PCDHGB3: variants seen among roughly 807,000 people sequenced by gnomAD.
The protein encoded by PCDHGB3 is protocadherin gamma-B3.
Under a neutral mutation model 59.2 loss-of-function variants are expected in PCDHGB3, and 40 were observed. The ratio of observed to expected loss-of-function variants is 0.68; its 90% confidence interval spans 0.52 to 0.88. The LOEUF is 0.88. Ranked by LOEUF, PCDHGB3 falls within the 40% of genes least tolerant of loss-of-function variation. The pLI is 0.00. For synonymous variants in PCDHGB3, 581 were observed against 503.6 expected (o/e 1.15, Z -2.06); for missense variants, 1,309 against 1,187.9 (o/e 1.10, Z -1.50).
At position 141,489,436 on chromosome 5, in the gene PCDHGB3, T is replaced by C. The variant is rs1002519; in HGVS notation, c.2416-5371T>C. 0.23 allele frequency: 369,130 copies of C among 1,613,832 alleles called. 44,340 individuals are homozygous for C. The highest frequency in any genetic ancestry group is 0.38 in the Admixed American group (23,024 of 60,000). On this transcript the variant is annotated intron_variant, in intron 1 of 3. Transcript: ENST00000576222. The surrounding 1 kb of genome is among the most constrained non-coding windows in gnomAD (Gnocchi z 4.5). ...AGATCTGTTGAGCCGGCGGCTGCAATTGGGCTCTGAGGAGAATGGGCGCTA... is the reference window on the plus strand; with the variant it reads ...AGATCTGTTGAGCCGGCGGCTGCAACTGGGCTCTGAGGAGAATGGGCGCTA...
At chr5:141,394,688 G>A (rs770742323) in intron 1 of PCDHGB3, 3 of 1,611,882 alleles carry the variant, frequency 1.9e-6, no homozygotes, top group Middle Eastern at 1.7e-4. Flanking sequence ...ACACGGGCGA[G>A]GTGCGCACGG....
intron 1 of PCDHGB3, among the ~76,000 whole-genome samples, chr5:141,467,404 C>T (rs1032912609): frequency 1.3e-5 from 2 of 151,864 alleles, no homozygotes; most frequent in African/African-American, 4.8e-5. Context: ...AGTTAGAAAG[C>T]CTTTCCCCAC....
intron 1 of PCDHGB3, among the ~76,000 whole-genome samples, chr5:141,382,046 C>G (rs1241597403): frequency 6.6e-6 from 1 of 151,928 alleles, no homozygotes. Flanking sequence ...TCAGGCTGGT[C>G]TCAAGCTCCC....
At chr5:141,479,573 C>A (rs1468041584) in intron 1 of PCDHGB3, 1 of 152,230 alleles carries the variant, frequency 6.6e-6, no homozygotes, top group Admixed American at 6.5e-5. Flanking sequence ...GGGATGACAT[C>A]TGTGAATAGC....
At chr5:141,460,961 A>ATG (rs35821115) in intron 1 of PCDHGB3, among the ~76,000 whole-genome samples, 128 of 144,610 alleles carry the variant, frequency 8.9e-4, no homozygotes, top group Middle Eastern at 7.1e-3. Context: ...GTATATATAT[A>ATG]TGTGTGTGTG....
At chr5:141,392,633 A>T (rs2092567816) in intron 1 of PCDHGB3, 1 of 610,728 alleles carries the variant, frequency 1.6e-6, no homozygotes, top group African/African-American at 1.9e-5. Flanking sequence ...CTCAGATCTC[A>T]CACCTCACGA....
intron 1 of PCDHGB3, chr5:141,387,892 G>C (rs2091136247): frequency 6.5e-7 from 1 of 1,550,258 alleles, no homozygotes; most frequent in African/African-American, 1.4e-5. Context: ...GGGATGGGGA[G>C]CGGCGCCGGG....
chr5:141,435,804 A>AT (rs2097781092), intron 1 of PCDHGB3, among the ~76,000 whole-genome samples: 1 of 151,814 alleles, frequency 6.6e-6, no homozygotes, highest in Non-Finnish European at 1.5e-5. Flanking sequence ...CGTCCCAATT[A>AT]TTTTTTCTTT....
intron 1 of PCDHGB3, chr5:141,388,068 C>T (rs562398369): frequency 8.0e-6 from 11 of 1,373,194 alleles, no homozygotes; most frequent in Non-Finnish European, 1.1e-5. Flanking sequence ...CCAGGAGTTA[C>T]CGACTCGAAA....
intron 1 of PCDHGB3, chr5:141,393,481 C>A (rs368525192): frequency 6.2e-7 from 1 of 1,614,066 alleles, no homozygotes; most frequent in Non-Finnish European, 8.5e-7. Flanking sequence ...CCGCCTCGCT[C>A]TAGCACAGTG....
At chr5:141,505,305 C>T (rs1363643214) in intron 2 of PCDHGB3, 88 bp from the exon 3 acceptor site, 2 of 1,595,104 alleles carry the variant, frequency 1.3e-6, no homozygotes, top group Admixed American at 1.7e-5. Flanking sequence ...GGTTAGGGTA[C>T]TAGGTTTGGG....
chr5:141,388,652 C>A (rs1388425962), intron 1 of PCDHGB3: 1 of 1,613,844 alleles, frequency 6.2e-7, no homozygotes, highest in Non-Finnish European at 8.5e-7. Flanking sequence ...AAAACGTGTA[C>A]CCGGGGACCA....
At chr5:141,405,188 G>T (rs2094622261) in intron 1 of PCDHGB3, 1 of 1,613,954 alleles carries the variant, frequency 6.2e-7, no homozygotes, top group African/African-American at 1.3e-5. Context: ...TGTAGATGGG[G>T]TTCGAGCTTT....
intron 2 of PCDHGB3, among the ~76,000 whole-genome samples, chr5:141,496,903 A>G (rs990378360): frequency 1.1e-4 from 16 of 150,744 alleles, no homozygotes; most frequent in Non-Finnish European, 2.4e-4. Flanking sequence ...AAAAAAAAAA[A>G]GGCTGGGCAC....
In PCDHGB3 at chr5:141,415,247, C is replaced by T. The variant is rs181239359; in HGVS notation, c.2415+42438C>T. The stretch of plus-strand genomic sequence containing the variant: ...GAGTCTCCAGCTAACTCTGAAACCT[C>T]AGACCTCACTCTGTACCTGGTGGTA... On this transcript the variant is annotated intron_variant, in intron 1 of 3. Transcript: ENST00000576222. 958 of 1,614,210 alleles carry T rather than the reference C, an allele frequency of 5.9e-4. 13 individuals are homozygous for T. The East Asian group carries it at 0.015, about 25-fold the overall frequency.
At chr5:141,473,548 C>A (rs1158305951) in intron 1 of PCDHGB3, among the ~76,000 whole-genome samples, 3 of 152,118 alleles carry the variant, frequency 2.0e-5, no homozygotes, top group South Asian at 2.1e-4. Context: ...TAATGGAAGA[C>A]CTCTATTAGG....
intron 1 of PCDHGB3, chr5:141,427,818 G>T: frequency 6.5e-7 from 1 of 1,530,644 alleles, no homozygotes; most frequent in Non-Finnish European, 9.0e-7. Flanking sequence ...GAGCGGGGTG[G>T]TGGTCGCGCA....
At chr5:141,434,331 T>C (rs1271938024) in intron 1 of PCDHGB3, among the ~76,000 whole-genome samples, 3 of 152,186 alleles carry the variant, frequency 2.0e-5, no homozygotes, top group Non-Finnish European at 4.4e-5. Context: ...GCTTGTCTCT[T>C]TGTGTCGGGA....
At chr5:141,462,648 C>T (rs2099044153) in intron 1 of PCDHGB3, among the ~76,000 whole-genome samples, 1 of 137,364 alleles carries the variant, frequency 7.3e-6, no homozygotes, top group Admixed American at 7.1e-5. Flanking sequence ...TCATTTCCAT[C>T]CTCAATTATC....
Sources: allele counts gnomAD v4.1 joint callset (sites outside exome capture counted in the v4.1 genomes callset), GRCh38; gene constraint gnomAD v4.1.1; non-coding constraint Gnocchi (gnomAD v3.1); transcripts MANE v1.5; gene names NCBI Gene and HGNC (gene_info 2026-07-23, HGNC 2026-07-21).